Variants in AKAP6 observed in about 807,000 individuals in gnomAD.
AKAP6 encodes A-kinase anchor protein 6.
AKAP6 carries 58 observed loss-of-function variants against 188.5 expected under a neutral mutation model. The ratio of observed to expected loss-of-function variants is 0.31; its 90% CI spans 0.25 to 0.38. The LOEUF is 0.38. Among genes scored for constraint, AKAP6 ranks in the 10% least tolerant of loss-of-function variants. The probability of loss-of-function intolerance (pLI) is 1.00; values close to 1 mark genes in which losing one functional copy is unlikely to be tolerated. For missense variants in AKAP6, 2,710 were observed against 2,740.0 expected, an observed-to-expected ratio of 0.99 and a Z score of 0.24; for synonymous variants, 989 against 998.6, an observed-to-expected ratio of 0.99 and a Z score of 0.18.
chr14:32,807,086 A>ATC (rs1322642224), intron 12 of AKAP6, among the ~76,000 whole-genome samples: 5 of 151,618 alleles, frequency 3.3e-5, no homozygotes, highest in Non-Finnish European at 5.9e-5. Context: ...ATATATATAT[A>ATC]TAAAATCCCA....
chr14:32,672,981 C>T (rs1329556690), intron 7 of AKAP6, among the ~76,000 whole-genome samples: 8 of 152,180 alleles, frequency 5.3e-5, no homozygotes, highest in Non-Finnish European at 1.2e-4. Context: ...GCCAAGATAG[C>T]ATACAAATTT....
intron 8 of AKAP6, among the ~76,000 whole-genome samples, chr14:32,681,461 C>G (rs947657169): frequency 1.3e-5 from 2 of 152,128 alleles, no homozygotes; most frequent in Non-Finnish European, 2.9e-5. Context: ...TCTTTGCCCT[C>G]TCTGTAAGGA....
At chr14:32,759,505 CT>C (rs2032463848) in intron 11 of AKAP6, among the ~76,000 whole-genome samples, 1 of 152,194 alleles carries the variant, frequency 6.6e-6, no homozygotes, top group Non-Finnish European at 1.5e-5. Context: ...CAATGAGTGT[CT>C]GTTTAGTCAT....
rs182493431 is a variant in AKAP6 at position 32,537,656 on chromosome 14, G to A, written c.576+1851G>A. ...TCTGCCTGCTTTCTACTACTAGAAGGAGATTAAAAATCATTGATTCAAATC... is the reference window on the plus strand; with the variant it reads ...TCTGCCTGCTTTCTACTACTAGAAGAAGATTAAAAATCATTGATTCAAATC... On this transcript the variant is annotated intron_variant, in intron 3 of 13. Coordinates refer to ENST00000280979, the MANE Select transcript of AKAP6 (RefSeq NM_004274.5). Among the ~76,000 whole-genome samples, 726 of 152,274 alleles carry A rather than the reference G, an allele frequency of 4.8e-3. 7 individuals are homozygous for A. The highest frequency in any genetic ancestry group is 0.016 in the African/African-American group (650 of 41,554).
chr14:32,410,685 G>A (rs1889453373), intron 1 of AKAP6, among the ~76,000 whole-genome samples: 1 of 152,110 alleles, frequency 6.6e-6, no homozygotes, highest in African/African-American at 2.4e-5. Flanking sequence ...TGTTCCTTGA[G>A]TGAGAAAGAG....
At chr14:32,432,739 A>T (rs1420466396) in intron 1 of AKAP6, among the ~76,000 whole-genome samples, 1 of 152,214 alleles carries the variant, frequency 6.6e-6, no homozygotes. Context: ...TGTTGATTTT[A>T]TAGTCAAAAT....
At chr14:32,602,330 T>C (rs1393793301) in intron 7 of AKAP6, among the ~76,000 whole-genome samples, 1 of 152,024 alleles carries the variant, frequency 6.6e-6, no homozygotes, top group East Asian at 1.9e-4. Flanking sequence ...ACCTTATCTC[T>C]GCAAAAAGTG....
chr14:32,483,862 G>C (rs1416519163), intron 2 of AKAP6, among the ~76,000 whole-genome samples: 3 of 151,842 alleles, frequency 2.0e-5, no homozygotes, highest in Non-Finnish European at 2.9e-5. Flanking sequence ...ATGGGCTATG[G>C]TGGTGGCTGC....
intron 11 of AKAP6, among the ~76,000 whole-genome samples, chr14:32,765,069 G>A (rs1457199558): frequency 6.6e-6 from 1 of 151,530 alleles, no homozygotes; most frequent in Non-Finnish European, 1.5e-5. Flanking sequence ...TGAGTAGCTG[G>A]GATTACAGGT....
intron 11 of AKAP6, among the ~76,000 whole-genome samples, chr14:32,739,243 G>C (rs570704144): frequency 6.6e-6 from 1 of 151,668 alleles, no homozygotes; most frequent in African/African-American, 2.4e-5. Flanking sequence ...TTGAAAATTC[G>C]TGGGTCCATA....
At chr14:32,776,354 A>C (rs183441713) in intron 12 of AKAP6, among the ~76,000 whole-genome samples, 1 of 152,274 alleles carries the variant, frequency 6.6e-6, no homozygotes, top group East Asian at 1.9e-4. Context: ...TGGTTTTATA[A>C]GGGGAAACCC....
chr14:32,363,778 C>T (rs1284685319), intron 1 of AKAP6, among the ~76,000 whole-genome samples: 1 of 152,214 alleles, frequency 6.6e-6, no homozygotes, highest in Non-Finnish European at 1.5e-5. Flanking sequence ...GCAGCACCCT[C>T]ACAGACACAC....
Position 32,830,531 on chromosome 14 carries a change from T to G in AKAP6, c.*726T>G, listed in dbSNP as rs2034800551. 6.5e-6 allele frequency: 1 copy of G among 152,708 alleles called. No individual in the cohort carries two copies. The highest frequency in any genetic ancestry group is 2.1e-4 in the South Asian group (1 of 4,824). The allele number at this position is 152,708 out of a possible 1,614,324, so 9.5% of individuals were successfully genotyped here. On this transcript the variant is annotated 3_prime_UTR_variant, in exon 14 of 14. Coordinates refer to ENST00000280979, the MANE Select transcript of AKAP6 (RefSeq NM_004274.5). The stretch of plus-strand genomic sequence containing the variant: ...TCTTGAGGTGGTAATGAGAAAAAAG[T>G]TTTTTAAAAAAGTGTGCCTTGCTGT...
In AKAP6 at chr14:32,346,363, A is replaced by G. The variant is rs998879299; in HGVS notation, c.-35+16955A>G. Reference sequence around the variant, plus strand: ...ATTTGAACTTCCAGGCTGGTGAGCCATGGAGGAACTTGAGTTGTACAAATT... The same window carrying G: ...ATTTGAACTTCCAGGCTGGTGAGCCGTGGAGGAACTTGAGTTGTACAAATT... On this transcript the variant is annotated intron_variant, in intron 1 of 13. Transcript: ENST00000280979. Among the ~76,000 whole-genome samples the G allele has an allele frequency of 2.0e-5, 3 of 152,244 alleles. No homozygotes were observed. In the South Asian group the frequency reaches 6.2e-4, roughly 32 times the overall value.
chr14:32,786,510 G>C (rs769512283), intron 12 of AKAP6, among the ~76,000 whole-genome samples: 8 of 151,156 alleles, frequency 5.3e-5, no homozygotes, highest in Non-Finnish European at 1.5e-5. Flanking sequence ...ATTTTTAGTA[G>C]AGATGGGGTT....
chr14:32,384,276 C>T (rs182709788), intron 1 of AKAP6, among the ~76,000 whole-genome samples: 72 of 152,244 alleles, frequency 4.7e-4, no homozygotes, highest in African/African-American at 1.7e-3. Flanking sequence ...TTCGTGATAC[C>T]GGAGCAATAG....
intron 2 of AKAP6, among the ~76,000 whole-genome samples, chr14:32,510,975 A>C (rs1041408647): frequency 3.3e-5 from 5 of 152,194 alleles, no homozygotes; most frequent in Non-Finnish European, 5.9e-5. Context: ...TCCTCTGACC[A>C]AAATCATCCC....
intron 5 of AKAP6, among the ~76,000 whole-genome samples, chr14:32,582,348 T>C (rs994089644): frequency 3.3e-5 from 5 of 152,154 alleles, no homozygotes; most frequent in African/African-American, 1.2e-4. Context: ...CTTGTAGAGT[T>C]TCTGCCGAGA....
chr14:32,427,060 A>G (rs1890057288), intron 1 of AKAP6, among the ~76,000 whole-genome samples: 1 of 152,056 alleles, frequency 6.6e-6, no homozygotes, highest in South Asian at 2.1e-4. Flanking sequence ...AGGGGAAAGG[A>G]GAGAGAGAAA....
Sources: allele counts gnomAD v4.1 joint callset (sites outside exome capture counted in the v4.1 genomes callset), GRCh38; gene constraint gnomAD v4.1.1; transcripts MANE v1.5; gene names NCBI Gene and HGNC (gene_info 2026-07-23, HGNC 2026-07-21).